Variants in PAK2 observed in about 807,000 individuals in gnomAD.
PAK2 encodes the protein serine/threonine-protein kinase PAK 2.
Under a neutral mutation model 65.9 loss-of-function variants are expected in PAK2, and 21 were observed. The ratio of observed to expected loss-of-function variants is 0.32; its 90% CI spans 0.23 to 0.46. The LOEUF is 0.46. Ranked by LOEUF, PAK2 falls within the 20% of genes least tolerant of loss-of-function variation. The pLI is 1.00. For missense variants in PAK2, 324 were observed against 642.6 expected (o/e 0.50, Z 5.36); for synonymous variants, 204 against 219.7 (o/e 0.93, Z 0.63).
intron 13 of PAK2, among the ~76,000 whole-genome samples, chr3:196,823,520 A>G (rs562835487): frequency 2.6e-5 from 4 of 152,046 alleles, no homozygotes; most frequent in African/African-American, 7.2e-5. Flanking sequence ...GCCTGTGACT[A>G]TCCATTCCCA....
intron 1 of PAK2, among the ~76,000 whole-genome samples, chr3:196,753,365 C>T (rs1265107631): frequency 1.3e-5 from 2 of 151,840 alleles, no homozygotes; most frequent in Non-Finnish European, 2.9e-5. Flanking sequence ...CCATCTCAGC[C>T]GCCTGAGTAG....
chr3:196,759,729 A>C (rs952155434), intron 1 of PAK2, among the ~76,000 whole-genome samples: 3 of 151,588 alleles, frequency 2.0e-5, no homozygotes, highest in African/African-American at 7.3e-5. Context: ...GTTTCACCAT[A>C]CTGGCCAGGC....
rs1303040410 is a variant in PAK2, at chr3:196,791,935, AAAG to A, written c.187+9105_187+9107del. ...GCGAGACTCCGTCAAAAAAAAAAAA[AAAG>A]AAATAGAATTCCTGGGCTCAGTTTC... On this transcript the variant is annotated intron_variant, in intron 2 of 14. Coordinates refer to ENST00000327134, the MANE Select transcript of PAK2 (RefSeq NM_002577.4). The surrounding 1 kb of genome is among the most constrained non-coding windows in gnomAD (Gnocchi z 4.0). 6.6e-6 allele frequency among the ~76,000 whole-genome samples: 1 copy of A among 151,930 alleles called. No homozygotes were observed. Among genetic ancestry groups the A allele is most frequent in the East Asian group, 1.9e-4 (1 of 5,188 alleles).
In PAK2 at chr3:196,782,623, C is replaced by T. The variant is rs1369396372; in HGVS notation, c.-21-3C>T. 3.4e-6 allele frequency: 5 copies of T among 1,460,368 alleles called. No individual in the cohort carries two copies. The highest frequency in any genetic ancestry group is 2.1e-5 in the Admixed American group (1 of 47,298). The allele number at this position is 1,460,368 out of a possible 1,614,324, so 90.5% of individuals were successfully genotyped here. A position where few individuals can be genotyped will look rare whatever the true frequency, so the allele number is the denominator to read the frequency against. On this transcript the variant is annotated splice_polypyrimidine_tract_variant and splice_region_variant and intron_variant, in intron 1 of 14. Coordinates refer to ENST00000327134, the MANE Select transcript of PAK2 (RefSeq NM_002577.4). ...TTACTAATTGTATTTTTTCCAATTC[C>T]AGGCCATTTCATAATTCTGAATCAT...
Position 196,830,123 on chromosome 3 carries a change from G to A in PAK2, c.*1718G>A, listed in dbSNP as rs1401333568. 6.6e-6 allele frequency: 1 copy of A among 151,718 alleles called. No individual in the cohort carries two copies. The highest frequency in any genetic ancestry group is 1.5e-5 in the Non-Finnish European group (1 of 67,988). 9.4% of individuals were successfully genotyped at this position (151,718 alleles called of 1,614,324 possible). ...GTTGTAGTATACATTGGAGAAACTG[G>A]CAGGTTTTATTTCCATTATTTTATT... On this transcript the variant is annotated 3_prime_UTR_variant, in exon 15 of 15. Coordinates refer to ENST00000327134, the MANE Select transcript of PAK2 (RefSeq NM_002577.4).
At chr3:196,783,308 C>CTCAGCAAAA (rs1714772063) in intron 2 of PAK2, among the ~76,000 whole-genome samples, 1 of 152,130 alleles carries the variant, frequency 6.6e-6, no homozygotes, top group South Asian at 2.1e-4. Flanking sequence ...CTGATGTGTC[C>CTCAGCAAAA]TCAGCAAAAT....
At chr3:196,758,444 G>A (rs937985042) in intron 1 of PAK2, among the ~76,000 whole-genome samples, 6 of 152,182 alleles carry the variant, frequency 3.9e-5, no homozygotes, top group African/African-American at 1.2e-4. Flanking sequence ...TCCCGTGTCC[G>A]GGGAGGTCAT....
At chr3:196,806,457 AT>A (rs896292531) in intron 5 of PAK2, 121 bp from the exon 6 acceptor site, 3 of 635,108 alleles carry the variant, frequency 4.7e-6, no homozygotes, top group African/African-American at 3.6e-5. Flanking sequence ...AGCTAATGAG[AT>A]TTAGTGGTTT....
chr3:196,804,365 T>G (rs1244374857), intron 4 of PAK2, among the ~76,000 whole-genome samples: 1 of 152,156 alleles, frequency 6.6e-6, no homozygotes, highest in East Asian at 1.9e-4. Flanking sequence ...GTGTGTAAAT[T>G]AGTAATTTTT....
At chr3:196,794,470 CT>C (rs373038243) in intron 2 of PAK2, among the ~76,000 whole-genome samples, 1 of 152,226 alleles carries the variant, frequency 6.6e-6, no homozygotes, top group African/African-American at 2.4e-5. Context: ...CCCGTTCCCC[CT>C]GTCCGCCTGG....
chr3:196,807,748 C>T (rs1715631997), intron 6 of PAK2, 34 bp from the exon 7 acceptor site: 2 of 1,265,840 alleles, frequency 1.6e-6, no homozygotes, highest in Non-Finnish European at 1.1e-6. Flanking sequence ...AAACATTATT[C>T]CTCAAACCTT....
intron 2 of PAK2, among the ~76,000 whole-genome samples, chr3:196,785,277 G>C (rs1468396508): frequency 6.6e-6 from 1 of 152,162 alleles, no homozygotes; most frequent in Non-Finnish European, 1.5e-5. Context: ...TGTATACTGA[G>C]TCAGGATATA....
intron 3 of PAK2, 124 bp downstream of exon 3, chr3:196,802,151 C>A: frequency 1.5e-6 from 1 of 656,690 alleles, no homozygotes; most frequent in East Asian, 2.6e-5. Flanking sequence ...GTAATCCCAG[C>A]ACTTTGGGAG....
chr3:196,740,309 G>C (rs1358406007), intron 1 of PAK2, among the ~76,000 whole-genome samples, 152 bp downstream of exon 1: 1 of 152,138 alleles, frequency 6.6e-6, no homozygotes, highest in Non-Finnish European at 1.5e-5. Context: ...GGGAGCCGCA[G>C]CTCCTGGGGC....
Position 196,807,571 on chromosome 3 carries a change from A to G in PAK2, c.577-211A>G, listed in dbSNP as rs151193989. On this transcript the variant is annotated intron_variant, in intron 6 of 14. Coordinates refer to ENST00000327134, the MANE Select transcript of PAK2 (RefSeq NM_002577.4). ...TGCTGTTTTACTAGACAGCTTTTCA[A>G]ATATATTCATGCTATGCCAAAGAAA... Among the ~76,000 whole-genome samples, 229 of 152,286 alleles carry G rather than the reference A, an allele frequency of 1.5e-3. 1 individual carries two copies. Among genetic ancestry groups the G allele is most frequent in the African/African-American group, 5.4e-3 (224 of 41,568 alleles).
At position 196,820,103 on chromosome 3, in the gene PAK2, A is replaced by G. The variant is rs962350756; in HGVS notation, c.1154-268A>G. 3.3e-5 allele frequency among the ~76,000 whole-genome samples: 5 copies of G among 152,124 alleles called. No homozygotes were observed. In the South Asian group the frequency reaches 8.3e-4, roughly 25 times the overall value. On this transcript the variant is annotated intron_variant, in intron 12 of 14. Coordinates refer to ENST00000327134, the MANE Select transcript of PAK2 (RefSeq NM_002577.4). This position sits in a 1 kb window ranked among gnomAD's most constrained non-coding sequence, Gnocchi z 4.6. ...CTTTACTTTTTCGTAGACCTCTTTCAGTTTTATTAAATTTTTTAGGATAGA... is the reference window on the plus strand; with the variant it reads ...CTTTACTTTTTCGTAGACCTCTTTCGGTTTTATTAAATTTTTTAGGATAGA...
In PAK2 at chr3:196,765,066, G is replaced by T. The variant is rs530812950; in HGVS notation, c.-21-17560G>T. 2.7e-3 allele frequency among the ~76,000 whole-genome samples: 408 copies of T among 150,324 alleles called. 1 individual carries two copies. Among genetic ancestry groups the T allele is most frequent in the African/African-American group, 8.2e-3 (337 of 40,884 alleles). On this transcript the variant is annotated intron_variant, in intron 1 of 14. Coordinates refer to ENST00000327134, the MANE Select transcript of PAK2 (RefSeq NM_002577.4). ...TCACCGTGTTAGCCAGGATGGTCTC[G>T]ATCTTCTGACCTCGTGATCCACCTG...
chr3:196,762,486 G>A (rs1714012570), intron 1 of PAK2, among the ~76,000 whole-genome samples: 1 of 150,622 alleles, frequency 6.6e-6, no homozygotes, highest in African/African-American at 2.4e-5. Flanking sequence ...CTCGCGGTTA[G>A]GGGCTGGAGA....
chr3:196,799,057 A>T (rs1298515689), intron 2 of PAK2, among the ~76,000 whole-genome samples: 2 of 152,340 alleles, frequency 1.3e-5, no homozygotes, highest in African/African-American at 4.8e-5. Context: ...AGGCAAAAAA[A>T]AATTTTTTTT....
Sources: gnomAD v4.1 joint callset for allele counts (sites outside exome capture counted in the v4.1 genomes callset) on GRCh38, gnomAD v4.1.1 for gene constraint, Gnocchi (gnomAD v3.1) non-coding constraint, MANE v1.5 for transcripts, NCBI Gene and HGNC (gene_info 2026-07-23, HGNC 2026-07-21) for gene names.